Variants in OPRM1 observed in about 807,000 individuals in gnomAD.
The protein encoded by OPRM1 is opioid receptor mu 1, also known as mu-type opioid receptor.
OPRM1 carries 27 observed loss-of-function variants against 31.8 expected under a neutral mutation model. The observed-to-expected ratio is 0.85, with a 90% CI of 0.63 to 1.17. OPRM1 has a LOEUF of 1.17. Ranked by LOEUF, OPRM1 falls within the 50% of genes most tolerant of loss-of-function variation. The probability of loss-of-function intolerance (pLI) is 0.00; values close to 1 mark genes in which losing one functional copy is unlikely to be tolerated. For synonymous variants in OPRM1, 196 were observed against 189.9 expected (o/e 1.03, Z -0.26); for missense variants, 536 against 511.1 (o/e 1.05, Z -0.47).
At chr6:154,111,923 G>A (rs1432236927) in intron 3 of OPRM1, among the ~76,000 whole-genome samples, 2 of 151,910 alleles carry the variant, frequency 1.3e-5, no homozygotes, top group African/African-American at 2.4e-5. Flanking sequence ...CTGCCACCAC[G>A]CCCAGCTAAT....
At chr6:154,030,394 T>C (rs1361072839) in intron 1 of OPRM1, among the ~76,000 whole-genome samples, 1 of 152,220 alleles carries the variant, frequency 6.6e-6, no homozygotes, top group African/African-American at 2.4e-5. Context: ...TATGTCTGTC[T>C]CTTTAAGAAT....
intron 3 of OPRM1, among the ~76,000 whole-genome samples, chr6:154,100,472 A>G (rs1323044): frequency 0.65 from 97,877 of 151,238 alleles, 32,220 homozygotes; most frequent in East Asian, 0.9. Context: ...TTGTCTTTCT[A>G]TAACATCTGA....
intron 3 of OPRM1, among the ~76,000 whole-genome samples, chr6:154,224,715 AAAAC>A (rs1232032081): frequency 6.6e-6 from 1 of 152,162 alleles, no homozygotes; most frequent in Non-Finnish European, 1.5e-5. Context: ...TGTCTTAAAA[AAAAC>A]AAACAAACAA....
intron 3 of OPRM1, chr6:154,159,765 T>C (rs1798859228): frequency 4.5e-6 from 6 of 1,322,516 alleles, no homozygotes; most frequent in Non-Finnish European, 6.4e-6. Context: ...AAATGTAAGC[T>C]TTTGCAACAT....
chr6:154,099,415 AGAAAG>A (rs1562470079), intron 3 of OPRM1, among the ~76,000 whole-genome samples: 5 of 76,092 alleles, frequency 6.6e-5, no homozygotes, highest in South Asian at 1.6e-3. Context: ...AAAGAAAGAG[AGAAAG>A]AGAAAGAAAG....
At chr6:154,215,301 G>T (rs74939498) in intron 3 of OPRM1, among the ~76,000 whole-genome samples, 6,075 of 151,946 alleles carry the variant, frequency 0.04, 365 homozygotes, top group African/African-American at 0.13. Context: ...TGTTATTTTT[G>T]AATAGAAAAT....
Position 154,123,294 on chromosome 6 carries a change from G to A in OPRM1, c.*4573G>A, listed in dbSNP as rs115388343. Among the ~76,000 whole-genome samples, 2,531 of 145,448 alleles carry A rather than the reference G, an allele frequency of 0.017. 67 individuals are homozygous for A. The highest frequency in any genetic ancestry group is 0.06 in the African/African-American group (2,440 of 40,598). ...CACTTTCCTCCCTGCAAGTTCCCAC[G>A]GAGCAGAAAAAAGGAGGAAACTTTT... On this transcript the variant is annotated 3_prime_UTR_variant, in exon 4 of 4. Coordinates refer to ENST00000330432, the MANE Select transcript of OPRM1 (RefSeq NM_000914.5).
chr6:154,226,591 C>T (rs552066351), intron 3 of OPRM1, among the ~76,000 whole-genome samples: 23 of 152,270 alleles, frequency 1.5e-4, no homozygotes, highest in African/African-American at 5.5e-4. Flanking sequence ...TTCAACTTAC[C>T]TTTAATGTTT....
Position 154,206,305 on chromosome 6 carries a change from T to C in OPRM1, c.1165-40388T>C, listed in dbSNP as rs550944255. Among the ~76,000 whole-genome samples, 25 of 152,350 alleles carry C rather than the reference T, an allele frequency of 1.6e-4. No individual in the cohort carries two copies. In the South Asian group the frequency reaches 5.0e-3, roughly 30 times the overall value. ...TGTGAGAGTCAAATGAAATCATTCT[T>C]CTCAAAGCCATGCAAAAGCACTAGA... On this transcript the variant is annotated intron_variant, in intron 3 of 3. Transcript: ENST00000337049.
At position 154,118,786 on chromosome 6, in the gene OPRM1, G is replaced by A; in HGVS notation, c.*65G>A. ...GCCACCATGTATGTGGAAGCAGGTTGCTTCAAGAATGTGTAGGAGGCTCTA... is the reference window on the plus strand; with the variant it reads ...GCCACCATGTATGTGGAAGCAGGTTACTTCAAGAATGTGTAGGAGGCTCTA... On this transcript the variant is annotated 3_prime_UTR_variant, in exon 4 of 4. Transcript: ENST00000330432. 1 of 1,604,496 alleles carries A rather than the reference G, an allele frequency of 6.2e-7. No individual in the cohort carries two copies. The highest frequency in any genetic ancestry group is 1.1e-5 in the South Asian group (1 of 89,764).
chr6:154,185,315 C>T (rs1313799295), intron 3 of OPRM1, among the ~76,000 whole-genome samples: 2 of 152,190 alleles, frequency 1.3e-5, no homozygotes, highest in East Asian at 3.8e-4. Context: ...TGCCAAGGCA[C>T]ACTTCATTCC....
At chr6:154,165,927 C>T (rs1169348715) in intron 3 of OPRM1, among the ~76,000 whole-genome samples, 1 of 152,200 alleles carries the variant, frequency 6.6e-6, no homozygotes, top group African/African-American at 2.4e-5. Context: ...CAACTGAGAC[C>T]CTCAGTCCAG....
At chr6:154,093,809 A>G (rs1792863906) in intron 3 of OPRM1, among the ~76,000 whole-genome samples, 1 of 152,234 alleles carries the variant, frequency 6.6e-6, no homozygotes, top group Admixed American at 6.5e-5. Flanking sequence ...CCCTTTGGCT[A>G]ATCTCCACTG....
intron 2 of OPRM1, 29 bp downstream of exon 2, chr6:154,090,207 GA>G: frequency 6.7e-7 from 1 of 1,493,314 alleles, no homozygotes; most frequent in Non-Finnish European, 9.3e-7. Flanking sequence ...CTGAGGGAAG[GA>G]GGGTTCACAG....
At chr6:154,094,417 A>C (rs774148872) in intron 3 of OPRM1, 57 of 388,686 alleles carry the variant, frequency 1.5e-4, no homozygotes, top group Non-Finnish European at 2.5e-4. Context: ...GTTACATTAC[A>C]AATCATTCCA....
intron 3 of OPRM1, chr6:154,109,073 G>A (rs1284385315): frequency 3.1e-6 from 3 of 980,786 alleles, no homozygotes; most frequent in Admixed American, 6.1e-5. Flanking sequence ...CCAAAGAAAT[G>A]TTAGCCTCAC....
chr6:154,129,149 G>A lies in OPRM1; in HGVS notation c.*10428G>A, dbSNP rs961835162. 5.3e-5 allele frequency among the ~76,000 whole-genome samples: 8 copies of A among 152,044 alleles called. No homozygotes were observed. The highest frequency in any genetic ancestry group is 1.9e-4 in the African/African-American group (8 of 41,386). ...GTACACAATTTCTGTCCCTTTTAAG[G>A]GCTCACAACACTAGATTTCACATGA... On this transcript the variant is annotated 3_prime_UTR_variant, in exon 4 of 4. Coordinates refer to ENST00000330432, the MANE Select transcript of OPRM1 (RefSeq NM_000914.5).
chr6:154,214,334 C>A, intron 3 of OPRM1: 1 of 1,133,502 alleles, frequency 8.8e-7, no homozygotes. Flanking sequence ...CACCCATTCA[C>A]CTTCCCCCAG....
intron 1 of OPRM1, among the ~76,000 whole-genome samples, chr6:154,072,003 C>T (rs589046): frequency 0.33 from 49,958 of 151,944 alleles, 9,446 homozygotes; most frequent in African/African-American, 0.52. Flanking sequence ...GGTTAGCAAC[C>T]AGGCTGCTTC....
Sources: allele counts gnomAD v4.1 joint callset (sites outside exome capture counted in the v4.1 genomes callset), GRCh38; gene constraint gnomAD v4.1.1; transcripts MANE v1.5; gene names NCBI Gene and HGNC (gene_info 2026-07-23, HGNC 2026-07-21).